MS4A8: variants seen among roughly 807,000 people sequenced by gnomAD.
The protein encoded by MS4A8 is membrane-spanning 4-domains subfamily A member 8.
MS4A8 carries 27 observed loss-of-function variants against 23.7 expected under a neutral mutation model. The observed-to-expected ratio is 1.14, with a 90% CI of 0.84 to 1.57. The LOEUF (loss-of-function observed/expected upper bound fraction) is 1.57, where lower values mean the gene tolerates loss of function less well. Ranked by LOEUF, MS4A8 falls within the 40% of genes most tolerant of loss-of-function variation. The pLI is 0.00. For synonymous variants in MS4A8, 138 were observed against 126.3 expected (o/e 1.09, Z -0.62); for missense variants, 301 against 311.4 (o/e 0.97, Z 0.25).
At chr11:60,700,819 C>A (rs1402034481) in intron 1 of MS4A8, 41 bp from the exon 2 acceptor site, 1 of 1,603,614 alleles carries the variant, frequency 6.2e-7, no homozygotes, top group African/African-American at 1.3e-5. Context: ...AGGACAAGTC[C>A]ATATGTGAGG....
At chr11:60,714,914 AG>A in intron 5 of MS4A8, 106 bp from the exon 6 acceptor site, 1 of 772,728 alleles carries the variant, frequency 1.3e-6, no homozygotes, top group East Asian at 2.5e-5. Flanking sequence ...GAGAGAGGAT[AG>A]GGGACTTCCG....
At chr11:60,704,987 A>G (rs1317960967) in intron 3 of MS4A8, among the ~76,000 whole-genome samples, 1 of 152,022 alleles carries the variant, frequency 6.6e-6, no homozygotes, top group Non-Finnish European at 1.5e-5. Flanking sequence ...ACACACCTAC[A>G]TGTGACACTA....
chr11:60,709,888 G>C (rs968897623), intron 5 of MS4A8, among the ~76,000 whole-genome samples: 2 of 152,120 alleles, frequency 1.3e-5, no homozygotes, highest in Non-Finnish European at 2.9e-5. Flanking sequence ...GTATCTCTCT[G>C]GCCCTCTTTG....
intron 3 of MS4A8, among the ~76,000 whole-genome samples, chr11:60,704,841 C>CAT (rs200512644): frequency 8.4e-5 from 4 of 47,504 alleles, no homozygotes; most frequent in African/African-American, 1.6e-4. Context: ...CACACATACA[C>CAT]ACACACACAT....
chr11:60,703,529 A>G lies in MS4A8; in HGVS notation c.342+29A>G, dbSNP rs769531756. ...AGTAACTCAAGTCCTCCTGCCGATG[A>G]GCTCCCAGAAGGTGCCAAGGCACTC... is the stretch of plus-strand genomic sequence containing the variant. On this transcript the variant is annotated intron_variant, in intron 3 of 6. Coordinates refer to ENST00000300226, the MANE Select transcript of MS4A8 (RefSeq NM_031457.2). 48 of 1,602,646 alleles carry G rather than the reference A, an allele frequency of 3.0e-5. 1 individual carries two copies. Among genetic ancestry groups the G allele is most frequent in the Non-Finnish European group, 3.3e-5 (39 of 1,175,188 alleles).
At chr11:60,713,241 G>A (rs989347424) in intron 5 of MS4A8, among the ~76,000 whole-genome samples, 1 of 152,134 alleles carries the variant, frequency 6.6e-6, no homozygotes, top group Non-Finnish European at 1.5e-5. Context: ...GGTGGAACAA[G>A]AGACTTGGAA....
At chr11:60,714,224 G>A (rs1002637546) in intron 5 of MS4A8, among the ~76,000 whole-genome samples, 14 of 151,074 alleles carry the variant, frequency 9.3e-5, no homozygotes, top group South Asian at 4.2e-4. Flanking sequence ...GCGCCCGGCC[G>A]GTGATGACTC....
intron 5 of MS4A8, among the ~76,000 whole-genome samples, chr11:60,714,700 A>T (rs1590956471): frequency 6.6e-6 from 1 of 152,102 alleles, no homozygotes; most frequent in African/African-American, 2.4e-5. Flanking sequence ...CGGCCTCCCC[A>T]GAGCAGTGTC....
At chr11:60,701,808 G>A (rs1029044805) in intron 2 of MS4A8, among the ~76,000 whole-genome samples, 16 of 152,184 alleles carry the variant, frequency 1.1e-4, no homozygotes, top group African/African-American at 3.9e-4. Flanking sequence ...CAAAAATATT[G>A]TAATATCCAT....
At chr11:60,711,925 C>G (rs1393554502) in intron 5 of MS4A8, 1 of 448,902 alleles carries the variant, frequency 2.2e-6, no homozygotes, top group African/African-American at 2.0e-5. Context: ...CATGGAGGGT[C>G]GGACTGCATC....
chr11:60,715,429 G>A lies in MS4A8; in HGVS notation c.*15G>A, dbSNP rs1198032193. 6.2e-7 allele frequency: 1 copy of A among 1,602,832 alleles called. No homozygotes were observed. Among genetic ancestry groups the A allele is most frequent in the African/African-American group, 1.3e-5 (1 of 74,800 alleles). On this transcript the variant is annotated 3_prime_UTR_variant, in exon 7 of 7. Coordinates refer to ENST00000300226, the MANE Select transcript of MS4A8 (RefSeq NM_031457.2). The stretch of plus-strand genomic sequence containing the variant: ...CAAATAAGTAAGGCTACAGATTCTG[G>A]AAGCATCTTTCACTGGGACCAAAAG...
intron 5 of MS4A8, chr11:60,712,624 T>C (rs2088309516): frequency 2.6e-6 from 1 of 386,346 alleles, no homozygotes; most frequent in Non-Finnish European, 3.5e-6. Context: ...CGAAATCCCA[T>C]CTATACAAAA....
chr11:60,706,412 T>A (rs1330662160), intron 3 of MS4A8, among the ~76,000 whole-genome samples: 2 of 152,196 alleles, frequency 1.3e-5, no homozygotes, highest in African/African-American at 4.8e-5. Context: ...TCTGAGTAAC[T>A]AAAAGTTATT....
intron 5 of MS4A8, among the ~76,000 whole-genome samples, chr11:60,713,184 G>T (rs1345702363): frequency 2.0e-5 from 3 of 146,708 alleles, no homozygotes; most frequent in Non-Finnish European, 4.6e-5. Context: ...CAAAGGTTCA[G>T]ATGAAGGGGT....
rs759256994 is a variant in MS4A8 at position 60,701,063 on chromosome 11, A to G, written c.203A>G (p.Glu68Gly). The G allele has an allele frequency of 2.5e-6, 4 of 1,614,178 alleles. No homozygotes were observed. In the South Asian group the frequency reaches 4.4e-5, roughly 18 times the overall value. The change falls in exon 2 of 7, where the codon GAA becomes GGA. Residue 68 changes from glutamate to glycine, a missense_variant. Transcript: ENST00000300226. Reference sequence around the variant, plus strand: ...CAGCCTGTGCAGAAAGCTCTGAAAGAAGGCAAAACCTTGGGGGTAAGTGAG... The same window carrying G: ...CAGCCTGTGCAGAAAGCTCTGAAAGGAGGCAAAACCTTGGGGGTAAGTGAG... ...NGQPVQKALK[E>G]GKTLGAIQII...
Position 60,712,193 on chromosome 11 carries a change from C to T in MS4A8, c.535-2828C>T, listed in dbSNP as rs115271385. ...CCTTTTCCTGGGACAACTGCCTCTA[C>T]CCTCACCCTCTCTAAATCCCTTCAT... On this transcript the variant is annotated intron_variant, in intron 5 of 6. Coordinates refer to ENST00000300226, the MANE Select transcript of MS4A8 (RefSeq NM_031457.2). 779 of 336,784 alleles carry T rather than the reference C, an allele frequency of 2.3e-3. 5 individuals are homozygous for T. The highest frequency in any genetic ancestry group is 0.016 in the African/African-American group (734 of 44,530). 20.9% of individuals were successfully genotyped at this position (336,784 alleles called of 1,614,324 possible).
chr11:60,707,033 T>C lies in MS4A8; in HGVS notation c.388T>C (p.Tyr130His), dbSNP rs144721499. Residue 130 changes from tyrosine to histidine, a missense_variant, in exon 4 of 7, where the codon TAT becomes CAT. Tyr to His is a moderately conservative substitution (Grantham distance 83, BLOSUM62 2). Transcript: ENST00000300226. ...SLSVAAENQP[Y>H]SYCLLSGSLG... ...CTCCGTGGCAGCAGAAAATCAGCCATATTCTTATTGCCTGGTAAGTTACAT... is the reference window on the plus strand; with the variant it reads ...CTCCGTGGCAGCAGAAAATCAGCCACATTCTTATTGCCTGGTAAGTTACAT... The C allele has an allele frequency of 3.1e-6, 5 of 1,613,852 alleles. No individual in the cohort carries two copies. In the African/African-American group the frequency reaches 5.3e-5, roughly 17 times the overall value.
At chr11:60,714,976 C>A in intron 5 of MS4A8, 45 bp from the exon 6 acceptor site, 1 of 1,396,644 alleles carries the variant, frequency 7.2e-7, no homozygotes, top group Non-Finnish European at 1.0e-6. Flanking sequence ...TCAGTTCGGA[C>A]TCCCAGTCCC....
intron 5 of MS4A8, among the ~76,000 whole-genome samples, chr11:60,711,112 C>T (rs1453720735): frequency 6.6e-6 from 1 of 152,186 alleles, no homozygotes; most frequent in Admixed American, 6.5e-5. Context: ...ATGCTTACTG[C>T]CTGTCCCTAG....
Sources: allele counts gnomAD v4.1 joint callset (sites outside exome capture counted in the v4.1 genomes callset), GRCh38; gene constraint gnomAD v4.1.1; transcripts MANE v1.5; gene names NCBI Gene and HGNC (gene_info 2026-07-23, HGNC 2026-07-21).